Variants in YAF2 observed in about 807,000 individuals in gnomAD.
YAF2 encodes the protein YY1-associated factor 2.
YAF2 carries 7 observed loss-of-function variants against 20.1 expected under a neutral mutation model. The ratio of observed to expected loss-of-function variants is 0.35; its 90% CI spans 0.20 to 0.65. YAF2 has a LOEUF of 0.65. YAF2 is among the 30% of genes least tolerant of loss of function. YAF2 has a pLI of 0.69. For missense variants in YAF2, 151 were observed against 219.2 expected (o/e 0.69, Z 1.96); for synonymous variants, 74 against 76.0 (o/e 0.97, Z 0.14).
At chr12:42,233,782 G>C (rs1175706597) in intron 2 of YAF2, 1 of 985,192 alleles carries the variant, frequency 1.0e-6, no homozygotes, top group Non-Finnish European at 1.2e-6. Flanking sequence ...CAAGGTGCTG[G>C]GCTTACAGGT....
intron 2 of YAF2, among the ~76,000 whole-genome samples, chr12:42,214,672 T>A (rs1444226782): frequency 1.3e-5 from 2 of 152,116 alleles, no homozygotes; most frequent in East Asian, 3.9e-4. Flanking sequence ...CACTCTGCAA[T>A]GATTTTTTTT....
At chr12:42,211,427 C>CAAAAA (rs34683165) in intron 2 of YAF2, among the ~76,000 whole-genome samples, 3 of 51,642 alleles carry the variant, frequency 5.8e-5, no homozygotes, top group East Asian at 6.1e-4. Flanking sequence ...ACTCTGTCTC[C>CAAAAA]AAAAAAAAAA....
intron 2 of YAF2, among the ~76,000 whole-genome samples, chr12:42,223,970 C>T (rs2067604098): frequency 6.6e-6 from 1 of 152,076 alleles, no homozygotes; most frequent in African/African-American, 2.4e-5. Context: ...TGGAGCAAAC[C>T]ACCGTGGCAC....
At chr12:42,222,570 T>A (rs1178838207) in intron 2 of YAF2, among the ~76,000 whole-genome samples, 1 of 152,064 alleles carries the variant, frequency 6.6e-6, no homozygotes, top group Non-Finnish European at 1.5e-5. Flanking sequence ...TATACAAGTG[T>A]GCTTACATAA....
chr12:42,232,756 A>T, intron 2 of YAF2: 1 of 985,366 alleles, frequency 1.0e-6, no homozygotes, highest in Non-Finnish European at 1.2e-6. Flanking sequence ...GATTTCTACC[A>T]GATGATAGTT....
At chr12:42,177,030 C>T (rs1486878173) in intron 2 of YAF2, among the ~76,000 whole-genome samples, 1 of 152,156 alleles carries the variant, frequency 6.6e-6, no homozygotes, top group Non-Finnish European at 1.5e-5. Flanking sequence ...ACAGAGCAGC[C>T]ACTGTGATCC....
At chr12:42,182,808 T>C (rs2066377184) in intron 2 of YAF2, among the ~76,000 whole-genome samples, 1 of 152,224 alleles carries the variant, frequency 6.6e-6, no homozygotes, top group Admixed American at 6.5e-5. Context: ...TAAATGATCA[T>C]ATATAATTTC....
At chr12:42,228,106 A>G (rs1245013181) in intron 2 of YAF2, among the ~76,000 whole-genome samples, 1 of 66,764 alleles carries the variant, frequency 1.5e-5, no homozygotes, top group Admixed American at 1.5e-4. Context: ...GGAAGTGAGG[A>G]GCCCCTCTGC....
At chr12:42,235,626 A>G (rs2068125523) in intron 2 of YAF2, 7 of 1,497,106 alleles carry the variant, frequency 4.7e-6, no homozygotes, top group Non-Finnish European at 6.2e-6. Context: ...TCAGGAACAC[A>G]GTGTCCCTTA....
At position 42,161,618 on chromosome 12, in the gene YAF2, T is replaced by C; in HGVS notation, c.300A>G (p.Lys100=). Residue 100 remains lysine, a synonymous_variant, in exon 3 of 4, where the codon AAA becomes AAG. Coordinates refer to ENST00000534854, the MANE Select transcript of YAF2 (RefSeq NM_005748.6). Reference sequence around the variant, plus strand: ...AAAACACTCTTCACATTTACCTGGTTTTCTTATGGCTATTCTTTTTGCTAG... The same window carrying C: ...AAAACACTCTTCACATTTACCTGGTCTTCTTATGGCTATTCTTTTTGCTAG... ...ETTSKKNSHK[K]TRPRLKNVDR... 2 of 1,579,190 alleles carry C rather than the reference T, an allele frequency of 1.3e-6. No homozygotes were observed.
At chr12:42,171,053 C>T (rs1274344362) in intron 2 of YAF2, among the ~76,000 whole-genome samples, 3 of 151,910 alleles carry the variant, frequency 2.0e-5, no homozygotes, top group Admixed American at 2.0e-4. Flanking sequence ...AGTGCAGTGG[C>T]GTGATCTCGG....
intron 2 of YAF2, among the ~76,000 whole-genome samples, chr12:42,215,287 T>C (rs563031036): frequency 1.6e-4 from 24 of 151,798 alleles, no homozygotes; most frequent in Non-Finnish European, 2.7e-4. Context: ...AAATCCAGTG[T>C]AGGCTGGGTG....
intron 2 of YAF2, chr12:42,231,294 C>T (rs1380826938): frequency 1.3e-5 from 2 of 152,034 alleles, no homozygotes; most frequent in African/African-American, 2.4e-5. Flanking sequence ...AGAGTGGCAT[C>T]GTATATTTTT....
chr12:42,233,866 T>G, intron 2 of YAF2: 3 of 985,408 alleles, frequency 3.0e-6, no homozygotes, highest in Non-Finnish European at 3.6e-6. Flanking sequence ...GGACATTTCT[T>G]GCCTTATAAG....
intron 2 of YAF2, among the ~76,000 whole-genome samples, chr12:42,202,246 T>C (rs1164771049): frequency 6.6e-6 from 1 of 152,204 alleles, no homozygotes; most frequent in Non-Finnish European, 1.5e-5. Context: ...TTTCCTGTAC[T>C]AATACTATAC....
chr12:42,177,757 C>T (rs879560828), intron 2 of YAF2, among the ~76,000 whole-genome samples: 5 of 152,138 alleles, frequency 3.3e-5, no homozygotes, highest in East Asian at 1.9e-4. Flanking sequence ...TCTGTTCAAA[C>T]GCCAAATGTC....
At chr12:42,218,488 T>C (rs575288372) in intron 2 of YAF2, among the ~76,000 whole-genome samples, 4 of 152,300 alleles carry the variant, frequency 2.6e-5, no homozygotes, top group East Asian at 3.9e-4. Flanking sequence ...TTTTTATCTG[T>C]TTCTCAAATA....
intron 2 of YAF2, among the ~76,000 whole-genome samples, chr12:42,227,488 G>A (rs1007219678): frequency 7.4e-6 from 1 of 135,470 alleles, no homozygotes; most frequent in African/African-American, 2.9e-5. Flanking sequence ...CCTCTGCCCC[G>A]CCGCCCCATC....
At chr12:42,214,790 G>T (rs1652679814) in intron 2 of YAF2, among the ~76,000 whole-genome samples, 1 of 150,730 alleles carries the variant, frequency 6.6e-6, no homozygotes, top group South Asian at 2.1e-4. Context: ...GATCACTTGA[G>T]GTCAAGAGTT....
Sources: gnomAD v4.1 joint callset for allele counts (sites outside exome capture counted in the v4.1 genomes callset) on GRCh38, gnomAD v4.1.1 for gene constraint, MANE v1.5 for transcripts, NCBI Gene and HGNC (gene_info 2026-07-23, HGNC 2026-07-21) for gene names.